Variants in TARBP1 observed in about 807,000 individuals in gnomAD.
TARBP1 encodes the protein tRNA guanosine 2 -O-methyltransferase TARBP1, also known as tRNA (guanosine(18)-2'-O)-methyltransferase TARBP1.
A neutral mutation model predicts 178.6 loss-of-function variants in TARBP1; 144 were observed. That is an observed-to-expected ratio of 0.81 (90% CI 0.70 to 0.93). TARBP1 has a LOEUF of 0.93. Ranked by LOEUF, TARBP1 falls within the 40% of genes least tolerant of loss-of-function variation. The probability of loss-of-function intolerance (pLI) is 0.00; values close to 1 mark genes in which losing one functional copy is unlikely to be tolerated. For missense variants in TARBP1, 2,067 were observed against 2,011.7 expected (o/e 1.03, Z -0.53); for synonymous variants, 787 against 781.0 (o/e 1.01, Z -0.13).
chr1:234,430,949 G>A (rs927664975), intron 14 of TARBP1, among the ~76,000 whole-genome samples: 1 of 152,150 alleles, frequency 6.6e-6, no homozygotes, highest in Non-Finnish European at 1.5e-5. Context: ...GGGTTATTGT[G>A]AAGATTAAGC....
chr1:234,442,055 A>G (rs991716484), intron 12 of TARBP1, among the ~76,000 whole-genome samples: 2 of 124,250 alleles, frequency 1.6e-5, no homozygotes, highest in African/African-American at 7.4e-5. Flanking sequence ...CAACTACACC[A>G]GCAAAGGCAA....
chr1:234,461,959 G>A (rs565514524), intron 6 of TARBP1, among the ~76,000 whole-genome samples: 1 of 152,244 alleles, frequency 6.6e-6, no homozygotes, highest in East Asian at 1.9e-4. Context: ...TGTGTCTTTT[G>A]AAATACCTAG....
At chr1:234,465,854 T>G in intron 4 of TARBP1, 146 bp from the exon 5 acceptor site, 1 of 618,426 alleles carries the variant, frequency 1.6e-6, no homozygotes, top group South Asian at 3.6e-5. Flanking sequence ...CAGGCTAAAT[T>G]TAGTGCTGGT....
intron 2 of TARBP1, among the ~76,000 whole-genome samples, chr1:234,472,074 C>T (rs1487000465): frequency 2.6e-5 from 4 of 152,104 alleles, no homozygotes; most frequent in Admixed American, 6.6e-5. Context: ...CGGTGGCTCA[C>T]GCCTGTAATC....
rs190004071 is a variant in TARBP1 at position 234,403,745 on chromosome 1, G to A, written c.3989+2158C>T. The stretch of plus-strand genomic sequence containing the variant: ...GTTGCCGAGGCTGGAGTGCAGTGGC[G>A]CAATCTTGGCTCACTGCAACCTCCA... On this transcript the variant is annotated intron_variant, in intron 24 of 29. Coordinates refer to ENST00000040877, the MANE Select transcript of TARBP1 (RefSeq NM_005646.4). Among the ~76,000 whole-genome samples, 614 of 152,210 alleles carry A rather than the reference G, an allele frequency of 4.0e-3. 3 individuals carry two copies. Among genetic ancestry groups the A allele is most frequent in the Middle Eastern group, 6.8e-3 (2 of 294 alleles).
chr1:234,474,872 T>C (rs1305531276), intron 1 of TARBP1, among the ~76,000 whole-genome samples: 1 of 152,090 alleles, frequency 6.6e-6, no homozygotes, highest in Non-Finnish European at 1.5e-5. Context: ...AATCCTAAAC[T>C]GTTGTGCGGT....
chr1:234,412,764 T>A (rs1483782725), intron 22 of TARBP1, among the ~76,000 whole-genome samples: 2 of 152,178 alleles, frequency 1.3e-5, no homozygotes, highest in African/African-American at 2.4e-5. Flanking sequence ...TGCAATAGCC[T>A]GAAACCAAAA....
chr1:234,400,988 T>C, intron 25 of TARBP1, 193 bp downstream of exon 25: 1 of 424,138 alleles, frequency 2.4e-6, no homozygotes, highest in South Asian at 3.7e-5. Flanking sequence ...CAATTTTCAC[T>C]GCTTAAGAGT....
At chr1:234,446,775 G>A (rs1666223585) in intron 12 of TARBP1, 28 bp downstream of exon 12, 1 of 1,606,554 alleles carries the variant, frequency 6.2e-7, no homozygotes. Flanking sequence ...TATCAAGCAA[G>A]ATACCAAGAG....
Position 234,418,058 on chromosome 1 carries a change from A to T in TARBP1, c.3705+26T>A. 3 of 1,201,980 alleles carry T rather than the reference A, an allele frequency of 2.5e-6. No homozygotes were observed. In the South Asian group the frequency reaches 5.8e-5, roughly 23 times the overall value. The allele number at this position is 1,201,980 out of a possible 1,614,324, so 74.5% of individuals were successfully genotyped here. A position where few individuals can be genotyped will look rare whatever the true frequency, so the allele number is the denominator to read the frequency against. ...GTCAAAATCATGTCTTAGTTTAAAA[A>T]TATATAAAAAATATTCTTTACTTAC... On this transcript the variant is annotated intron_variant, in intron 22 of 29. Coordinates refer to ENST00000040877, the MANE Select transcript of TARBP1 (RefSeq NM_005646.4).
At chr1:234,395,287 G>A (rs1005484246) in intron 26 of TARBP1, among the ~76,000 whole-genome samples, 6 of 152,178 alleles carry the variant, frequency 3.9e-5, no homozygotes, top group African/African-American at 1.4e-4. Context: ...TTAAGAAGGA[G>A]AGTAACAGTA....
At chr1:234,462,429 G>A (rs778516060) in intron 6 of TARBP1, among the ~76,000 whole-genome samples, 5 of 152,152 alleles carry the variant, frequency 3.3e-5, no homozygotes, top group African/African-American at 7.2e-5. Flanking sequence ...GGTGGCTCAC[G>A]CCTGTAATCC....
chr1:234,469,039 G>A (rs60683618), intron 3 of TARBP1, among the ~76,000 whole-genome samples: 30,293 of 124,408 alleles, frequency 0.24, 5,410 homozygotes, highest in East Asian at 0.84. Flanking sequence ...AGGTTGGTGC[G>A]AAAGTCGTTG....
intron 28 of TARBP1, 47 bp downstream of exon 28, chr1:234,393,315 T>C: frequency 7.1e-7 from 1 of 1,411,764 alleles, no homozygotes; most frequent in Non-Finnish European, 9.3e-7. Context: ...CGGGTACATG[T>C]GCGGGCTTGT....
intron 12 of TARBP1, among the ~76,000 whole-genome samples, chr1:234,439,524 A>G (rs1158613067): frequency 6.6e-6 from 1 of 152,172 alleles, no homozygotes; most frequent in Non-Finnish European, 1.5e-5. Context: ...AAGAGAGTAA[A>G]GAGAGAAATG....
intron 25 of TARBP1, 117 bp downstream of exon 25, chr1:234,401,064 G>T: frequency 1.4e-6 from 1 of 697,032 alleles, no homozygotes; most frequent in Non-Finnish European, 2.4e-6. Flanking sequence ...ATGTTAAGGT[G>T]ATGTTTGTAA....
chr1:234,467,516 G>A lies in TARBP1; in HGVS notation c.1234C>T (p.Pro412Ser), dbSNP rs778901436. The change falls in exon 4 of 30, where the codon CCA becomes TCA. Residue 412 changes from proline (P) to serine (S), a missense_variant. Transcript: ENST00000040877. ...GGTGTCATTACCTCAGAAAATTCTG[G>A]TGAAAATGGAAGAATCTTTGTTTCA... ...LYETKILPFS[P>S]EFSEFIIGPL... 5 of 1,589,656 alleles carry A rather than the reference G, an allele frequency of 3.1e-6. No homozygotes were observed. Among genetic ancestry groups the A allele is most frequent in the Admixed American group, 1.9e-5 (1 of 54,026 alleles).
intron 14 of TARBP1, among the ~76,000 whole-genome samples, chr1:234,430,700 T>C (rs538679085): frequency 6.6e-6 from 1 of 150,468 alleles, no homozygotes; most frequent in Non-Finnish European, 1.5e-5. Flanking sequence ...TTATTTTAAC[T>C]GTCTGCTGAA....
Position 234,478,256 on chromosome 1 carries a change from C to T in TARBP1, c.848G>A (p.Arg283Gln), listed in dbSNP as rs1012083052. The T allele has an allele frequency of 2.5e-6, 4 of 1,607,104 alleles. No homozygotes were observed. In the African/African-American group the frequency reaches 5.3e-5, roughly 21 times the overall value. ...CGCCCTCTGCAGCAGGTAGCGCGCT[C>T]GCTTGCGCGTCAGGGCGTCCGCCTG... ...LGQADALTRK[R>Q]ARYLLQRAVE... The change falls in exon 1 of 30, where the codon CGA (arginine) becomes CAA (glutamine). Residue 283 changes from arginine to glutamine, a missense_variant. Coordinates refer to ENST00000040877, the MANE Select transcript of TARBP1 (RefSeq NM_005646.4).
Sources: gnomAD v4.1 joint callset for allele counts (sites outside exome capture counted in the v4.1 genomes callset) on GRCh38, gnomAD v4.1.1 for gene constraint, MANE v1.5 for transcripts, NCBI Gene and HGNC (gene_info 2026-07-23, HGNC 2026-07-21) for gene names.